The following CPN2 variants were observed in gnomAD, a reference collection of about 807,000 sequenced individuals.
CPN2 encodes carboxypeptidase N 83 kDa chain.
For missense variants in CPN2, 620 were observed against 671.4 expected (o/e 0.92, Z 0.85); for synonymous variants, 336 against 318.4 (o/e 1.06, Z -0.59).
At chr3:194,347,742 A>G (rs1024158130) in intron 1 of CPN2, among the ~76,000 whole-genome samples, 1 of 61,776 alleles carries the variant, frequency 1.6e-5, no homozygotes, top group Non-Finnish European at 3.1e-5. Context: ...AGCCCACCCC[A>G]CCCTCTGCCC....
In CPN2 at chr3:194,341,396, G is replaced by A. The variant is rs758424653; in HGVS notation, c.1307C>T (p.Pro436Leu). The A allele has an allele frequency of 6.2e-7, 1 of 1,614,150 alleles. No homozygotes were observed. Among genetic ancestry groups the A allele is most frequent in the East Asian group, 2.2e-5 (1 of 44,886 alleles). ...CACCAGCTGCTTCTCATTCAAGGCG[G>A]GCACCACCTGGCCTTTGAGGTAGGC... ...GPAYLKGQVV[P>L]ALNEKQLVCP... Residue 436 changes from proline to leucine, a missense_variant, in exon 2 of 2, where the codon CCC (proline) becomes CTC (leucine). Physicochemically the swap from Pro to Leu is moderately conservative, Grantham distance 98. Coordinates refer to ENST00000323830, the MANE Select transcript of CPN2 (RefSeq NM_001080513.4).
In CPN2 at chr3:194,340,584, C is replaced by T. The variant is rs919936376; in HGVS notation, c.*481G>A. Reference sequence around the variant, plus strand: ...CCCCTGTGCTTTCTGGTCATCTCTGCTTCTGTCACATCCTTTTTTTCTCTA... The same window carrying T: ...CCCCTGTGCTTTCTGGTCATCTCTGTTTCTGTCACATCCTTTTTTTCTCTA... On this transcript the variant is annotated 3_prime_UTR_variant, in exon 2 of 2. Coordinates refer to ENST00000323830, the MANE Select transcript of CPN2 (RefSeq NM_001080513.4). 6.4e-6 allele frequency: 1 copy of T among 156,012 alleles called. No individual in the cohort carries two copies. Among genetic ancestry groups the T allele is most frequent in the African/African-American group, 2.4e-5 (1 of 41,504 alleles). 9.7% of individuals were successfully genotyped at this position (156,012 alleles called of 1,614,324 possible).
At chr3:194,351,090 T>C (rs904329430) in intron 1 of CPN2, among the ~76,000 whole-genome samples, 152 bp downstream of exon 1, 5 of 152,066 alleles carry the variant, frequency 3.3e-5, no homozygotes, top group African/African-American at 1.2e-4. Flanking sequence ...GCTGAGCACC[T>C]CAGGGACTTC....
chr3:194,341,393 G>A lies in CPN2; in HGVS notation c.1310C>T (p.Ala437Val), dbSNP rs1712812157. 6.2e-7 allele frequency: 1 copy of A among 1,614,020 alleles called. No homozygotes were observed. Among genetic ancestry groups the A allele is most frequent in the Non-Finnish European group, 8.5e-7 (1 of 1,180,058 alleles). The change falls in exon 2 of 2, where the codon GCC becomes GTC. Residue 437 changes from alanine (A) to valine (V), a missense_variant. Ala to Val is a moderately conservative substitution (Grantham distance 64). Transcript: ENST00000323830. Reference sequence around the variant, plus strand: ...ACACACCAGCTGCTTCTCATTCAAGGCGGGCACCACCTGGCCTTTGAGGTA... The same window carrying A: ...ACACACCAGCTGCTTCTCATTCAAGACGGGCACCACCTGGCCTTTGAGGTA... ...PAYLKGQVVPALNEKQLVCPV... is the reference protein window; with the variant it reads ...PAYLKGQVVPVLNEKQLVCPV...
intron 1 of CPN2, among the ~76,000 whole-genome samples, chr3:194,348,534 G>A (rs944329363): frequency 6.6e-6 from 1 of 152,216 alleles, no homozygotes; most frequent in Non-Finnish European, 1.5e-5. Context: ...TGTCCAACAT[G>A]AGGGATTGGT....
rs202201259 is a variant in CPN2, at chr3:194,342,337, C to A, written c.366G>T (p.Ser122=). 1.9e-6 allele frequency: 3 copies of A among 1,613,868 alleles called. No homozygotes were observed. The highest frequency in any genetic ancestry group is 2.2e-5 in the East Asian group (1 of 44,882). The change falls in exon 2 of 2, where the codon TCG becomes TCT. Residue 122 remains serine, a synonymous_variant. Coordinates refer to ENST00000323830, the MANE Select transcript of CPN2 (RefSeq NM_001080513.4). ...TGAAGTTGAGGGTGAGCTTGCCCAGCGAGGTCAGGTTGGAGAAGATGTTGG... is the reference window on the plus strand; with the variant it reads ...TGAAGTTGAGGGTGAGCTTGCCCAGAGAGGTCAGGTTGGAGAAGATGTTGG... ...LSTNIFSNLT[S]LGKLTLNFNM...
chr3:194,345,292 G>A (rs142296883), intron 1 of CPN2, among the ~76,000 whole-genome samples: 22 of 152,290 alleles, frequency 1.4e-4, no homozygotes, highest in African/African-American at 5.1e-4. Context: ...GAGCTGCCTC[G>A]ATTCCTCCAG....
At chr3:194,345,027 C>G (rs1712996092) in intron 1 of CPN2, among the ~76,000 whole-genome samples, 1 of 152,176 alleles carries the variant, frequency 6.6e-6, no homozygotes, top group African/African-American at 2.4e-5. Flanking sequence ...GAAGCCACCC[C>G]TGACCCTAGG....
Position 194,340,230 on chromosome 3 carries a change from G to A in CPN2, c.*835C>T, listed in dbSNP as rs542465761. 17 of 152,278 alleles carry A rather than the reference G, an allele frequency of 1.1e-4. No homozygotes were observed. The highest frequency in any genetic ancestry group is 4.1e-4 in the African/African-American group (17 of 41,556). 9.4% of individuals were successfully genotyped at this position (152,278 alleles called of 1,614,324 possible). ...TCTCCTGGACTGGAAAGAAAGGAAG[G>A]AAAACAAAGGGGAAAGGGGCTTCTT... is the stretch of plus-strand genomic sequence containing the variant. On this transcript the variant is annotated 3_prime_UTR_variant, in exon 2 of 2. Coordinates refer to ENST00000323830, the MANE Select transcript of CPN2 (RefSeq NM_001080513.4).
intron 1 of CPN2, among the ~76,000 whole-genome samples, 177 bp from the exon 2 acceptor site, chr3:194,342,882 G>A (rs9857914): frequency 0.33 from 49,522 of 151,998 alleles, 8,327 homozygotes; most frequent in South Asian, 0.41. Context: ...CTCAGACTGG[G>A]GAAAGAAGTG....
At chr3:194,348,669 T>C (rs1324242053) in intron 1 of CPN2, among the ~76,000 whole-genome samples, 1 of 152,042 alleles carries the variant, frequency 6.6e-6, no homozygotes, top group African/African-American at 2.4e-5. Flanking sequence ...GGCAGGAGGA[T>C]TGCTTGAGGC....
In CPN2 at chr3:194,341,813, G is replaced by C. The variant is rs768880896; in HGVS notation, c.890C>G (p.Thr297Ser). 1 of 1,613,936 alleles carries C rather than the reference G, an allele frequency of 6.2e-7. No homozygotes were observed. Among genetic ancestry groups the C allele is most frequent in the Non-Finnish European group, 8.5e-7 (1 of 1,179,838 alleles). ...HTPCLVGLSL[T>S]HNQLETVAEG... ...AGCGACAGTCTCCAGCTGGTTATGG[G>C]TCAGAGACAGGCCAACCAGGCACGG... Residue 297 changes from threonine (T) to serine (S), a missense_variant, in exon 2 of 2, where the codon ACC (threonine) becomes AGC (serine). Thr to Ser is a moderately conservative substitution (Grantham distance 58, BLOSUM62 1). Transcript: ENST00000323830.
chr3:194,349,089 T>A (rs975633902), intron 1 of CPN2, among the ~76,000 whole-genome samples: 4 of 151,394 alleles, frequency 2.6e-5, no homozygotes, highest in African/African-American at 9.7e-5. Flanking sequence ...GGTCTGGCAC[T>A]GTGGCTCACA....
chr3:194,344,288 C>T (rs60717706), intron 1 of CPN2, among the ~76,000 whole-genome samples: 6,815 of 152,304 alleles, frequency 0.045, 371 homozygotes, highest in African/African-American at 0.13. Context: ...ACAACTTCTC[C>T]CTGAGAAAAT....
Position 194,341,280 on chromosome 3 carries a change from T to C in CPN2, c.1423A>G (p.Arg475Gly). 6.2e-7 allele frequency: 1 copy of C among 1,613,482 alleles called. No individual in the cohort carries two copies. Among genetic ancestry groups the C allele is most frequent in the Non-Finnish European group, 8.5e-7 (1 of 1,179,926 alleles). Residue 475 changes from arginine to glycine, a missense_variant, in exon 2 of 2, where the codon AGG becomes GGG. Transcript: ENST00000323830. Reference protein sequence around the residue: ...GGSWDLAVQERAARSQCTYSN... With the variant: ...GGSWDLAVQEGAARSQCTYSN... ...TAGGTGCACTGGCTCCGGGCTGCCC[T>C]TTCCTGCACAGCCAGATCCCAGCTG...
chr3:194,347,356 G>A (rs1047662355), intron 1 of CPN2, among the ~76,000 whole-genome samples: 2 of 152,008 alleles, frequency 1.3e-5, no homozygotes, highest in Non-Finnish European at 2.9e-5. Context: ...AGGGTGATGG[G>A]ACCTAGAATG....
At position 194,342,167 on chromosome 3, in the gene CPN2, T is replaced by C; in HGVS notation, c.536A>G (p.Asn179Ser). 1 of 1,613,836 alleles carries C rather than the reference T, an allele frequency of 6.2e-7. No individual in the cohort carries two copies. Among genetic ancestry groups the C allele is most frequent in the Non-Finnish European group, 8.5e-7 (1 of 1,179,910 alleles). The change falls in exon 2 of 2, where the codon AAC (asparagine) becomes AGC (serine). Residue 179 changes from asparagine (N) to serine (S), a missense_variant. Asn to Ser is a conservative substitution (Grantham distance 46, BLOSUM62 1). Coordinates refer to ENST00000323830, the MANE Select transcript of CPN2 (RefSeq NM_001080513.4). ...THLKTLNLAQ[N>S]LLAQLPEELF... ...CTCCTCCGGGAGCTGGGCCAGGAGG[T>C]TCTGGGCCAGGTTGAGTGTCTTCAG...
At chr3:194,345,149 CAGT>C (rs1713000070) in intron 1 of CPN2, among the ~76,000 whole-genome samples, 1 of 152,224 alleles carries the variant, frequency 6.6e-6, no homozygotes. Context: ...CCCAGAGCAG[CAGT>C]GACTTCCTTT....
chr3:194,341,323 G>A lies in CPN2; in HGVS notation c.1380C>T (p.Asp460=), dbSNP rs369348669. 2.8e-5 allele frequency: 45 copies of A among 1,613,760 alleles called. No homozygotes were observed. Among genetic ancestry groups the A allele is most frequent in the African/African-American group, 1.3e-4 (10 of 75,052 alleles). ...DHLGFQVTWP[D]ESKAGGSWDL... is the part of the protein sequence containing the mutation. ...CCCAGCTGCCCCCTGCCTTGCTTTC[G>A]TCCGGCCACGTGACCTGGAAGCCCA... The change falls in exon 2 of 2, where the codon GAC becomes GAT. Residue 460 remains aspartate (D), a synonymous_variant. Coordinates refer to ENST00000323830, the MANE Select transcript of CPN2 (RefSeq NM_001080513.4).
Sources: allele counts gnomAD v4.1 joint callset (sites outside exome capture counted in the v4.1 genomes callset), GRCh38; gene constraint gnomAD v4.1.1; transcripts MANE v1.5; gene names NCBI Gene and HGNC (gene_info 2026-07-23, HGNC 2026-07-21).